NAV2: variants seen among roughly 807,000 people sequenced by gnomAD.
NAV2 encodes helicase, APC down-regulated 1.
A neutral mutation model predicts 223.2 loss-of-function variants in NAV2; 54 were observed. The ratio of observed to expected loss-of-function variants is 0.24; its 90% CI spans 0.19 to 0.30. The LOEUF (loss-of-function observed/expected upper bound fraction) is 0.30, where lower values mean the gene tolerates loss of function less well. NAV2 is among the 10% of genes least tolerant of loss of function. The pLI is 1.00. For missense variants in NAV2, 2,806 were observed against 3,147.5 expected, an observed-to-expected ratio of 0.89 and a Z score of 2.60; for synonymous variants, 1,279 against 1,239.3, an observed-to-expected ratio of 1.03 and a Z score of -0.67.
intron 1 of NAV2, among the ~76,000 whole-genome samples, chr11:19,828,957 G>A (rs1443745470): frequency 1.3e-5 from 2 of 152,218 alleles, no homozygotes; most frequent in East Asian, 1.9e-4. Context: ...TGGCCTCACC[G>A]TGGCTCTATA....
At chr11:19,367,876 G>A (rs1002854231) in intron 1 of NAV2, among the ~76,000 whole-genome samples, 1 of 152,304 alleles carries the variant, frequency 6.6e-6, no homozygotes, top group East Asian at 1.9e-4. Context: ...ATACCCCAGA[G>A]CTGGAATAAA....
chr11:19,536,781 T>A (rs1268865428), intron 1 of NAV2, among the ~76,000 whole-genome samples: 1 of 152,208 alleles, frequency 6.6e-6, no homozygotes, highest in Non-Finnish European at 1.5e-5. Context: ...TCCAGGTTTG[T>A]GTCCTTCACA....
intron 1 of NAV2, among the ~76,000 whole-genome samples, chr11:19,816,390 C>T (rs576427218): frequency 3.3e-5 from 5 of 152,370 alleles, no homozygotes; most frequent in East Asian, 1.9e-4. Flanking sequence ...CTCTGCCCAA[C>T]GGGCTGGAGG....
At chr11:19,903,998 G>A (rs376126942) in intron 6 of NAV2, among the ~76,000 whole-genome samples, 15 of 152,308 alleles carry the variant, frequency 9.8e-5, no homozygotes, top group African/African-American at 2.9e-4. Context: ...TCACAAAGCC[G>A]TCCACCCACT....
intron 1 of NAV2, among the ~76,000 whole-genome samples, chr11:19,452,450 C>A (rs1851822762): frequency 6.6e-6 from 1 of 152,152 alleles, no homozygotes; most frequent in African/African-American, 2.4e-5. Context: ...CTTGTCTAGC[C>A]ACCATCCTCT....
intron 7 of NAV2, among the ~76,000 whole-genome samples, chr11:19,935,225 C>T (rs930290663): frequency 1.3e-5 from 2 of 152,154 alleles, no homozygotes; most frequent in Non-Finnish European, 2.9e-5. Context: ...GGCCACATTG[C>T]ACAATTGGAT....
At chr11:20,023,007 G>A (rs2054643907) in intron 11 of NAV2, 9 of 1,502,642 alleles carry the variant, frequency 6.0e-6, no homozygotes, top group South Asian at 3.7e-5. Flanking sequence ...GGATTCCCTG[G>A]CCCAGTGTGG....
At chr11:19,458,308 G>A (rs1186217138) in intron 1 of NAV2, among the ~76,000 whole-genome samples, 1 of 152,208 alleles carries the variant, frequency 6.6e-6, no homozygotes, top group Non-Finnish European at 1.5e-5. Context: ...TGCTCCCAGA[G>A]CCCCTTCCCA....
intron 1 of NAV2, among the ~76,000 whole-genome samples, chr11:19,474,665 T>C (rs1483751522): frequency 6.6e-6 from 1 of 152,194 alleles, no homozygotes; most frequent in Non-Finnish European, 1.5e-5. Flanking sequence ...AATATATTCA[T>C]GGATTATTTG....
chr11:19,818,139 CAA>C (rs1245564885), intron 1 of NAV2, among the ~76,000 whole-genome samples: 1 of 149,124 alleles, frequency 6.7e-6, no homozygotes, highest in African/African-American at 2.5e-5. Context: ...TTCTACAAAA[CAA>C]AGAGATTTCC....
At chr11:19,468,840 T>C (rs1437661384) in intron 1 of NAV2, among the ~76,000 whole-genome samples, 2 of 152,150 alleles carry the variant, frequency 1.3e-5, no homozygotes, top group Non-Finnish European at 1.5e-5. Flanking sequence ...TCTCATTTTT[T>C]AGAAGGGAAA....
At chr11:19,576,243 C>G (rs1483614082) in intron 1 of NAV2, among the ~76,000 whole-genome samples, 2 of 152,150 alleles carry the variant, frequency 1.3e-5, no homozygotes, top group Non-Finnish European at 1.5e-5. Flanking sequence ...GACTGGGCAG[C>G]CTTGCCGCAT....
chr11:19,536,924 G>T (rs1449880896), intron 1 of NAV2, among the ~76,000 whole-genome samples: 1 of 152,168 alleles, frequency 6.6e-6, no homozygotes, highest in Non-Finnish European at 1.5e-5. Context: ...CCATTGACAA[G>T]AATTATAGTA....
intron 1 of NAV2, among the ~76,000 whole-genome samples, chr11:19,780,529 A>C (rs2056643590): frequency 6.6e-6 from 1 of 152,280 alleles, no homozygotes; most frequent in Non-Finnish European, 1.5e-5. Context: ...GTGCTAATGC[A>C]CGGAGTGCAG....
chr11:19,846,807 A>C (rs540578790), intron 3 of NAV2, among the ~76,000 whole-genome samples: 2 of 152,266 alleles, frequency 1.3e-5, no homozygotes, highest in East Asian at 3.9e-4. Flanking sequence ...CCAGGTCTGT[A>C]ACCCAAAGGC....
Position 19,999,016 on chromosome 11 carries a change from T to C in NAV2, c.2768+14769T>C, listed in dbSNP as rs562835657. Among the ~76,000 whole-genome samples, 126 of 152,322 alleles carry C rather than the reference T, an allele frequency of 8.3e-4. 2 individuals carry two copies. The South Asian group carries it at 0.025, about 30-fold the overall frequency. ...GTCCAGAGAGGGTGCTTATTACATA[T>C]ACCATGAAGGAATAAATGACTGCCA... is the stretch of plus-strand genomic sequence containing the variant. On this transcript the variant is annotated intron_variant, in intron 11 of 37. Transcript: ENST00000349880.
At chr11:19,586,993 A>C (rs2045920584) in intron 1 of NAV2, among the ~76,000 whole-genome samples, 1 of 152,246 alleles carries the variant, frequency 6.6e-6, no homozygotes, top group Non-Finnish European at 1.5e-5. Context: ...CTACAGAGGC[A>C]GGCAGGCCTC....
At chr11:19,967,861 G>GGTATT (rs1173228411) in intron 10 of NAV2, among the ~76,000 whole-genome samples, 3 of 152,282 alleles carry the variant, frequency 2.0e-5, no homozygotes, top group African/African-American at 7.2e-5. Flanking sequence ...GAGCAGACTG[G>GGTATT]GTATTGTATT....
rs150054208 is a variant in NAV2 at position 19,773,012 on chromosome 11, A to G, written c.267+59050A>G. On this transcript the variant is annotated intron_variant, in intron 1 of 37. Transcript: ENST00000349880. ...TAGATCATCAGTTTCTTAGTGAAGA[A>G]AAGAAGGTCCACTGATGAGTAGCTC... Among the ~76,000 whole-genome samples, 15 of 152,332 alleles carry G rather than the reference A, an allele frequency of 9.8e-5. No homozygotes were observed. The East Asian group carries it at 2.9e-3, about 29-fold the overall frequency.
Sources: allele counts gnomAD v4.1 joint callset (sites outside exome capture counted in the v4.1 genomes callset), GRCh38; gene constraint gnomAD v4.1.1; transcripts MANE v1.5; gene names NCBI Gene and HGNC (gene_info 2026-07-23, HGNC 2026-07-21).